Variants in SPTBN2 observed in about 807,000 individuals in gnomAD.
The protein encoded by SPTBN2 is spectrin beta, non-erythrocytic 2.
SPTBN2 carries 107 observed loss-of-function variants against 284.2 expected under a neutral mutation model. The observed-to-expected ratio is 0.38, with a 90% CI of 0.32 to 0.44. SPTBN2 has a LOEUF of 0.44. Among genes scored for constraint, SPTBN2 ranks in the 20% least tolerant of loss-of-function variants. The pLI is 1.00. For missense variants in SPTBN2, 2,569 were observed against 3,287.1 expected (o/e 0.78, Z 5.34); for synonymous variants, 1,289 against 1,354.8 (o/e 0.95, Z 1.07).
intron 17 of SPTBN2, 120 bp from the exon 18 acceptor site, chr11:66,699,728 C>T: frequency 9.7e-7 from 1 of 1,029,580 alleles, no homozygotes; most frequent in African/African-American, 1.6e-5. Context: ...GAGGGTAGCC[C>T]AGAGAGCTCT....
chr11:66,739,548 A>C (rs925647616), intron 1 of SPTBN2, among the ~76,000 whole-genome samples: 1 of 152,244 alleles, frequency 6.6e-6, no homozygotes, highest in Non-Finnish European at 1.5e-5. Context: ...TTTTGTCTCA[A>C]TTAGCCTACC....
In SPTBN2 at chr11:66,699,311, T is replaced by A. The variant is rs1363384540; in HGVS notation, c.3776+95A>T. ...TACTTCTCTGTCAGCTCCTGCCCCA[T>A]CTGTGGGTTTCCTGTGCCACGTTTA... is the stretch of plus-strand genomic sequence containing the variant. On this transcript the variant is annotated intron_variant, in intron 18 of 37. Coordinates refer to ENST00000533211, the MANE Select transcript of SPTBN2 (RefSeq NM_006946.4). 12 of 1,483,848 alleles carry A rather than the reference T, an allele frequency of 8.1e-6. No individual in the cohort carries two copies. The Admixed American group carries it at 2.1e-4, about 26-fold the overall frequency. The allele number at this position is 1,483,848 out of a possible 1,614,324, so 91.9% of individuals were successfully genotyped here. A position where few individuals can be genotyped will look rare whatever the true frequency, so the allele number is the denominator to read the frequency against.
At chr11:66,712,837 C>T (rs1345831167) in intron 8 of SPTBN2, 1 of 152,886 alleles carries the variant, frequency 6.5e-6, no homozygotes, top group African/African-American at 2.4e-5. Context: ...CTGGTTCAGT[C>T]CTCCTTAGGT....
rs768464832 is a variant in SPTBN2, at chr11:66,715,989, G to A, written c.158-8C>T. 1.9e-6 allele frequency: 3 copies of A among 1,613,744 alleles called. No homozygotes were observed. On this transcript the variant is annotated splice_polypyrimidine_tract_variant and splice_region_variant and intron_variant, in intron 3 of 37. Transcript: ENST00000533211. This position sits in a 1 kb window ranked among gnomAD's most constrained non-coding sequence, Gnocchi z 5.3. ...GCACAGCTTCTCGTTCATCTGTGGTGGCAACATGGGTTTATTTCTGTCCCT... is the reference window on the plus strand; with the variant it reads ...GCACAGCTTCTCGTTCATCTGTGGTAGCAACATGGGTTTATTTCTGTCCCT...
At chr11:66,721,976 G>A (rs750969456) in intron 1 of SPTBN2, among the ~76,000 whole-genome samples, 3 of 151,646 alleles carry the variant, frequency 2.0e-5, no homozygotes, top group South Asian at 4.2e-4. Context: ...GAACCTGGGC[G>A]CACCTTAGAG....
intron 37 of SPTBN2, 135 bp from the exon 38 acceptor site, chr11:66,686,239 T>C (rs775285916): frequency 2.2e-6 from 3 of 1,386,104 alleles, no homozygotes; most frequent in Non-Finnish European, 3.1e-6. Context: ...TGTGGCCGGC[T>C]TAGACAGGGA....
chr11:66,699,155 G>T (rs1941104142), intron 18 of SPTBN2, 73 bp from the exon 19 acceptor site: 2 of 1,566,984 alleles, frequency 1.3e-6, no homozygotes, highest in African/African-American at 2.7e-5. Flanking sequence ...TAACCTAGGG[G>T]CCTCCATTTC....
In SPTBN2 at chr11:66,688,273, C is replaced by T. The variant is rs1021863460; in HGVS notation, c.6270G>A (p.Glu2090=). ...EREKERKRKR[E]EEERRKQPPA... is the part of the protein sequence containing the mutation. ...GCGGCTGTTTCCGCCGCTCCTCCTC[C>T]TCCCTCTTTCTCTTTCGCTCCTTCT... is the stretch of plus-strand genomic sequence containing the variant. Residue 2090 remains glutamate (E), a synonymous_variant, in exon 32 of 38, where the codon GAG becomes GAA. Transcript: ENST00000533211. 7.4e-6 allele frequency: 12 copies of T among 1,611,396 alleles called. No individual in the cohort carries two copies. The African/African-American group carries it at 1.6e-4, about 22-fold the overall frequency.
rs1361528947 is a variant in SPTBN2 at position 66,689,234 on chromosome 11, C to T, written c.5950-54G>A. On this transcript the variant is annotated intron_variant, in intron 29 of 37. Coordinates refer to ENST00000533211, the MANE Select transcript of SPTBN2 (RefSeq NM_006946.4). ...AGCACCAGGATGTGAGATCTTTCCA[C>T]GGCCCCTGGGGAGTCATCCAGGGGG... The T allele has an allele frequency of 2.2e-5, 34 of 1,559,392 alleles. No individual in the cohort carries two copies. The Admixed American group carries it at 2.8e-4, about 13-fold the overall frequency.
chr11:66,717,046 G>A (rs912466425), intron 3 of SPTBN2, among the ~76,000 whole-genome samples: 2 of 152,146 alleles, frequency 1.3e-5, no homozygotes, highest in African/African-American at 2.4e-5. Flanking sequence ...CCAGTTCCAG[G>A]ACATAAACAC....
At chr11:66,738,486 C>T (rs998722927) in intron 1 of SPTBN2, among the ~76,000 whole-genome samples, 34 of 152,266 alleles carry the variant, frequency 2.2e-4, no homozygotes, top group African/African-American at 7.9e-4. Context: ...AACGCCAGAA[C>T]AGATGAAAAT....
chr11:66,695,013 T>G (rs998107757), intron 21 of SPTBN2, among the ~76,000 whole-genome samples: 5 of 152,240 alleles, frequency 3.3e-5, no homozygotes, highest in African/African-American at 1.2e-4. Flanking sequence ...CAGCCTTGGC[T>G]TGCTGGCTTC....
chr11:66,701,208 T>A lies in SPTBN2; in HGVS notation c.2891A>T (p.His964Leu), dbSNP rs1240701395. ...LTSALSIQNY[H>L]LECTETQAWM... ...GGCCTGGGTCTCCGTGCACTCTAAG[T>A]GGTAGTTCTGGATGCTCAGGGCTGA... is the stretch of plus-strand genomic sequence containing the variant. The change falls in exon 17 of 38, where the codon CAC (histidine) becomes CTC (leucine). Residue 964 changes from histidine to leucine, a missense_variant. His to Leu is a moderately conservative substitution (Grantham distance 99). Transcript: ENST00000533211. 6.2e-7 allele frequency: 1 copy of A among 1,613,132 alleles called. No homozygotes were observed. Among genetic ancestry groups the A allele is most frequent in the African/African-American group, 1.3e-5 (1 of 75,044 alleles).
intron 29 of SPTBN2, 102 bp from the exon 30 acceptor site, chr11:66,689,282 T>A: frequency 7.7e-7 from 1 of 1,306,574 alleles, no homozygotes; most frequent in Non-Finnish European, 1.1e-6. Flanking sequence ...TTTCTTTCTT[T>A]CTTTTTTTTG....
At position 66,721,148 on chromosome 11, in the gene SPTBN2, C is replaced by G. The variant is rs750767180; in HGVS notation, c.93G>C (p.Ser31=). The change falls in exon 3 of 38, where the codon TCG becomes TCC. Residue 31 remains serine, a synonymous_variant. Coordinates refer to ENST00000533211, the MANE Select transcript of SPTBN2 (RefSeq NM_006946.4). The part of the protein sequence containing the change: ...DINNRWDLPD[S]DWDNDSSSAR... ...CCGAGCTGCTGTCATTGTCCCAGTC[C>G]GAGTCAGGAAGGTCCCAGCGGTTGT... 1 of 1,614,170 alleles carries G rather than the reference C, an allele frequency of 6.2e-7. No individual in the cohort carries two copies. Among genetic ancestry groups the G allele is most frequent in the East Asian group, 2.2e-5 (1 of 44,882 alleles).
rs555172868 is a variant in SPTBN2 at position 66,689,691 on chromosome 11, G to A, written c.5949+114C>T. The A allele has an allele frequency of 3.4e-5, 51 of 1,496,332 alleles. No individual in the cohort carries two copies. In the East Asian group the frequency reaches 9.7e-4, roughly 28 times the overall value. The allele number at this position is 1,496,332 out of a possible 1,614,324, so 92.7% of individuals were successfully genotyped here. ...AGAAACCCGTGAATGGCACTGAGGG[G>A]AGAGAATGAAAGGTTTCTTGCAAAG... On this transcript the variant is annotated intron_variant, in intron 29 of 37. Transcript: ENST00000533211.
intron 1 of SPTBN2, among the ~76,000 whole-genome samples, chr11:66,735,744 C>A (rs578215231): frequency 1.3e-5 from 2 of 152,204 alleles, no homozygotes; most frequent in African/African-American, 4.8e-5. Context: ...AAACTTGCAA[C>A]GATTGCATTA....
intron 37 of SPTBN2, 111 bp from the exon 38 acceptor site, chr11:66,686,215 T>A: frequency 7.2e-7 from 1 of 1,396,560 alleles, no homozygotes; most frequent in Non-Finnish European, 1.0e-6. Context: ...GACTGTTTCA[T>A]GCTATTAGGA....
In SPTBN2 at chr11:66,685,522, G is replaced by A. The variant is rs548531638; in HGVS notation, c.*349C>T. On this transcript the variant is annotated 3_prime_UTR_variant, in exon 38 of 38. Transcript: ENST00000533211. The surrounding 1 kb of genome is among the most constrained non-coding windows in gnomAD (Gnocchi z 4.4). Reference sequence around the variant, plus strand: ...GAGTGCCCTCGCATGGCAGGAGAATGACCCTGAGGCAGGGGCAGCCACTCC... The same window carrying A: ...GAGTGCCCTCGCATGGCAGGAGAATAACCCTGAGGCAGGGGCAGCCACTCC... 2.7e-5 allele frequency: 9 copies of A among 336,378 alleles called. No individual in the cohort carries two copies. Among genetic ancestry groups the A allele is most frequent in the African/African-American group, 1.5e-4 (7 of 47,066 alleles). The allele number at this position is 336,378 out of a possible 1,614,324, so 20.8% of individuals were successfully genotyped here.
Sources: allele counts gnomAD v4.1 joint callset (sites outside exome capture counted in the v4.1 genomes callset), GRCh38; gene constraint gnomAD v4.1.1; non-coding constraint Gnocchi (gnomAD v3.1); transcripts MANE v1.5; gene names NCBI Gene and HGNC (gene_info 2026-07-23, HGNC 2026-07-21).